Variants in FAM13B observed in about 807,000 individuals in gnomAD.
FAM13B encodes the protein protein FAM13B.
FAM13B carries 60 observed loss-of-function variants against 117.3 expected under a neutral mutation model. That is an observed-to-expected ratio of 0.51 (90% confidence interval 0.42 to 0.63). The LOEUF (loss-of-function observed/expected upper bound fraction) is 0.63. Among genes scored for constraint, FAM13B ranks in the 30% least tolerant of loss-of-function variants. FAM13B has a pLI of 0.00. For missense variants in FAM13B, 972 were observed against 1,091.9 expected, an observed-to-expected ratio of 0.89 and a Z score of 1.55; for synonymous variants, 332 against 356.1, an observed-to-expected ratio of 0.93 and a Z score of 0.76.
At position 137,940,172 on chromosome 5, in the gene FAM13B, T is replaced by C. The variant is rs764292104; in HGVS notation, c.*53A>G. 1.8e-5 allele frequency: 29 copies of C among 1,613,338 alleles called. No homozygotes were observed. The highest frequency in any genetic ancestry group is 2.2e-5 in the South Asian group (2 of 91,074). On this transcript the variant is annotated 3_prime_UTR_variant, in exon 24 of 24. Transcript: ENST00000689681. ...AGTACCAGCCAAGTACACACGATGA[T>C]AGCTTCAAGGAATACAACTGACTTT...
Position 137,985,295 on chromosome 5 carries a change from G to C in FAM13B, c.1141C>G (p.Gln381Glu). 4 of 1,613,814 alleles carry C rather than the reference G, an allele frequency of 2.5e-6. No homozygotes were observed. Among genetic ancestry groups the C allele is most frequent in the Non-Finnish European group, 3.4e-6 (4 of 1,179,926 alleles). Residue 381 changes from glutamine (Q) to glutamate (E), a missense_variant, in exon 10 of 24, where the codon CAG (glutamine) becomes GAG (glutamate). Physicochemically the swap from Gln to Glu is conservative, Grantham distance 29. Transcript: ENST00000689681. Reference sequence around the variant, plus strand: ...TCATTCTCAAATACACAATCTTGCTGCATAGCTTCATTGTCTAAATTAGTG... The same window carrying C: ...TCATTCTCAAATACACAATCTTGCTCCATAGCTTCATTGTCTAAATTAGTG... ...ASTNLDNEAM[Q>E]QDCVFENEEN...
chr5:137,951,209 C>A (rs201970371), intron 17 of FAM13B, among the ~76,000 whole-genome samples: 219 of 63,236 alleles, frequency 3.5e-3, no homozygotes, highest in South Asian at 5.3e-3. Context: ...CTGTCTCAAA[C>A]AAAAAAAAAA....
chr5:138,021,042 T>TA lies in FAM13B; in HGVS notation c.-48dup. On this transcript the variant is annotated 5_prime_UTR_variant, in exon 2 of 24. An upstream open reading frame in the 5' UTR loses its in-frame stop. Transcript: ENST00000689681. ...TTTTGAAAACTTACCTTTCAGTACT[T>TA]AAATACCTAAGTTTAAAAAATGGCT... The TA allele has an allele frequency of 8.1e-7, 1 of 1,231,414 alleles. No homozygotes were observed. Among genetic ancestry groups the TA allele is most frequent in the Non-Finnish European group, 1.0e-6 (1 of 987,806 alleles). The allele number at this position is 1,231,414 out of a possible 1,614,324, so 76.3% of individuals were successfully genotyped here.
chr5:137,944,451 T>C (rs1360747365), intron 20 of FAM13B, among the ~76,000 whole-genome samples: 1 of 152,066 alleles, frequency 6.6e-6, no homozygotes, highest in African/African-American at 2.4e-5. Context: ...ATATACGCCA[T>C]GAAATATTAT....
At chr5:138,035,319 G>A (rs887510645), upstream of FAM13B, among the ~76,000 whole-genome samples, 6 of 151,694 alleles carry the variant, frequency 4.0e-5, no homozygotes, top group Non-Finnish European at 7.4e-5. Context: ...CCTCCCTTGC[G>A]TTTTTATACC....
intron 22 of FAM13B, chr5:137,942,491 T>A (rs1483776150): frequency 9.4e-6 from 2 of 212,726 alleles, no homozygotes; most frequent in African/African-American, 2.3e-5. Context: ...CTCCCAAGTA[T>A]CTGGGACTAC....
At chr5:137,983,310 C>T (rs1338844475) in intron 10 of FAM13B, among the ~76,000 whole-genome samples, 18 of 148,526 alleles carry the variant, frequency 1.2e-4, no homozygotes, top group Admixed American at 1.1e-3. Flanking sequence ...TCAAGTAAAA[C>T]ATTCAACAGA....
Position 138,032,955 on chromosome 5 carries a change from A to T in FAM13B, c.-376T>A, listed in dbSNP as rs1021274730. 169 of 985,970 alleles carry T rather than the reference A, an allele frequency of 1.7e-4. No individual in the cohort carries two copies. Among genetic ancestry groups the T allele is most frequent in the Non-Finnish European group, 2.0e-4 (167 of 830,424 alleles). The allele number at this position is 985,970 out of a possible 1,614,324, so 61.1% of individuals were successfully genotyped here. A position where few individuals can be genotyped will look rare whatever the true frequency, so the allele number is the denominator to read the frequency against. ...GGCTGTGGCGCGGGGCCAGCCCGGT[A>T]AGCGACCCCCCGGATACCCCCGGCG... On this transcript the variant is annotated 5_prime_UTR_variant, in exon 1 of 24. Coordinates refer to ENST00000689681, the MANE Select transcript of FAM13B (RefSeq NM_001385994.1).
chr5:138,038,087 T>G (rs941187265), intron 1 of FAM13B, among the ~76,000 whole-genome samples: 2 of 152,238 alleles, frequency 1.3e-5, no homozygotes, highest in South Asian at 4.1e-4. Flanking sequence ...TGAAAATGTC[T>G]TGCTTTCATA....
At chr5:137,986,600 A>G (rs1006514347) in intron 9 of FAM13B, among the ~76,000 whole-genome samples, 1 of 152,224 alleles carries the variant, frequency 6.6e-6, no homozygotes. Context: ...ATCATGCATT[A>G]TAAGTACTTT....
At chr5:137,946,032 C>T (rs1165458552) in intron 19 of FAM13B, 35 bp from the exon 20 acceptor site, 1 of 1,537,628 alleles carries the variant, frequency 6.5e-7, no homozygotes, top group East Asian at 2.2e-5. Context: ...GTCTAGTCAT[C>T]ACAAATCTAA....
intron 23 of FAM13B, among the ~76,000 whole-genome samples, chr5:137,940,724 G>C (rs1349744004): frequency 3.9e-5 from 6 of 152,176 alleles, no homozygotes; most frequent in Non-Finnish European, 7.3e-5. Context: ...CCAGTGAATT[G>C]AGATGTAAAA....
At chr5:137,976,867 A>G (rs1399789468) in intron 10 of FAM13B, among the ~76,000 whole-genome samples, 1 of 152,202 alleles carries the variant, frequency 6.6e-6, no homozygotes, top group African/African-American at 2.4e-5. Flanking sequence ...TTGTAGAGCA[A>G]GTGTGTTTGA....
chr5:137,951,631 C>A (rs930852247), intron 17 of FAM13B, among the ~76,000 whole-genome samples: 2 of 152,024 alleles, frequency 1.3e-5, no homozygotes, highest in African/African-American at 4.8e-5. Flanking sequence ...CACACTTCAA[C>A]CTCGATGACA....
At chr5:138,001,964 A>T (rs957242334) in intron 7 of FAM13B, among the ~76,000 whole-genome samples, 2 of 152,164 alleles carry the variant, frequency 1.3e-5, no homozygotes, top group African/African-American at 4.8e-5. Flanking sequence ...TAGAGGTGGG[A>T]TGGGGCAGAC....
chr5:137,977,686 T>C (rs990363789), intron 10 of FAM13B, among the ~76,000 whole-genome samples: 1 of 152,184 alleles, frequency 6.6e-6, no homozygotes, highest in Non-Finnish European at 1.5e-5. Flanking sequence ...GCCTTCTCTT[T>C]CCTTTTAATT....
Position 137,988,230 on chromosome 5 carries a change from T to G in FAM13B, c.890+44A>C, listed in dbSNP as rs551033831. Reference sequence around the variant, plus strand: ...TTTTCATTTCTACAGCTTAGTAGTATTTTAAAATCTTAAAAATTTGTCTTC... The same window carrying G: ...TTTTCATTTCTACAGCTTAGTAGTAGTTTAAAATCTTAAAAATTTGTCTTC... On this transcript the variant is annotated intron_variant, in intron 8 of 23. Transcript: ENST00000689681. 3.6e-6 allele frequency: 5 copies of G among 1,406,952 alleles called. No homozygotes were observed. In the African/African-American group the frequency reaches 6.0e-5, roughly 17 times the overall value. 87.2% of individuals were successfully genotyped at this position (1,406,952 alleles called of 1,614,324 possible).
intron 7 of FAM13B, among the ~76,000 whole-genome samples, chr5:137,991,625 A>C (rs1032156375): frequency 6.6e-6 from 1 of 152,246 alleles, no homozygotes; most frequent in Non-Finnish European, 1.5e-5. Context: ...AAAGAAAAAC[A>C]ACCATCATAT....
intron 7 of FAM13B, among the ~76,000 whole-genome samples, chr5:137,992,798 G>A (rs921894408): frequency 6.6e-5 from 10 of 152,174 alleles, no homozygotes; most frequent in African/African-American, 2.4e-4. Flanking sequence ...ATGTAAACTG[G>A]AATAAGTACG....
Sources: gnomAD v4.1 joint callset for allele counts (sites outside exome capture counted in the v4.1 genomes callset) on GRCh38, gnomAD v4.1.1 for gene constraint, MANE v1.5 for transcripts, NCBI Gene and HGNC (gene_info 2026-07-23, HGNC 2026-07-21) for gene names.